Variants in TBCK observed in about 807,000 individuals in gnomAD.
TBCK encodes TBC domain-containing protein kinase-like protein.
TBCK carries 99 observed loss-of-function variants against 113.4 expected under a neutral mutation model. The observed-to-expected ratio is 0.87, with a 90% CI of 0.74 to 1.03. The LOEUF (loss-of-function observed/expected upper bound fraction) is 1.03. Among genes scored for constraint, TBCK ranks in the 50% least tolerant of loss-of-function variants. The probability of loss-of-function intolerance (pLI) is 0.00; values close to 1 mark genes in which losing one functional copy is unlikely to be tolerated. For synonymous variants in TBCK, 369 were observed against 370.8 expected (o/e 1.00, Z 0.05); for missense variants, 1,045 against 1,061.3 (o/e 0.98, Z 0.21).
chr4:106,043,022 A>T lies in TBCK; in HGVS notation c.*3548T>A, dbSNP rs561388321. On this transcript the variant is annotated 3_prime_UTR_variant, in exon 26 of 26. Transcript: ENST00000394708. ...ACTCCCACCCATAAGATCCAAAGCTATGTCTTCTATTCCTATATGTATTCC... is the reference window on the plus strand; with the variant it reads ...ACTCCCACCCATAAGATCCAAAGCTTTGTCTTCTATTCCTATATGTATTCC... 2 of 152,260 alleles carry T rather than the reference A, an allele frequency of 1.3e-5. No individual in the cohort carries two copies. Among genetic ancestry groups the T allele is most frequent in the South Asian group, 4.1e-4 (2 of 4,822 alleles). 9.4% of individuals were successfully genotyped at this position (152,260 alleles called of 1,614,324 possible).
At chr4:106,180,506 G>A (rs1752227550) in intron 22 of TBCK, among the ~76,000 whole-genome samples, 1 of 151,898 alleles carries the variant, frequency 6.6e-6, no homozygotes, top group Non-Finnish European at 1.5e-5. Context: ...ACCTACATTA[G>A]GTATTTCTCC....
chr4:106,069,365 C>T (rs1363145672), intron 25 of TBCK, among the ~76,000 whole-genome samples: 2 of 152,154 alleles, frequency 1.3e-5, no homozygotes, highest in Non-Finnish European at 1.5e-5. Flanking sequence ...CTACATATGG[C>T]TAGCCAGTTT....
chr4:106,176,559 G>A lies in TBCK; in HGVS notation c.2060-5289C>T, dbSNP rs558274597. 1.3e-4 allele frequency among the ~76,000 whole-genome samples: 19 copies of A among 151,932 alleles called. No homozygotes were observed. In the South Asian group the frequency reaches 1.5e-3, roughly 12 times the overall value. The stretch of plus-strand genomic sequence containing the variant: ...GGTAATTCATTGTGTTTTTATGTAC[G>A]TTTTCTTTATTCATTCATTCATTGA... On this transcript the variant is annotated intron_variant, in intron 22 of 25. Coordinates refer to ENST00000394708, the MANE Select transcript of TBCK (RefSeq NM_001163435.3).
intron 23 of TBCK, among the ~76,000 whole-genome samples, chr4:106,151,729 ATC>A (rs1426327767): frequency 6.6e-6 from 1 of 151,966 alleles, no homozygotes; most frequent in Admixed American, 6.6e-5. Flanking sequence ...TGAACATGGA[ATC>A]TCTTTCCTTT....
chr4:106,306,236 ATTT>A (rs60417567), intron 2 of TBCK, among the ~76,000 whole-genome samples: 1 of 97,352 alleles, frequency 1.0e-5, no homozygotes, highest in African/African-American at 3.9e-5. Flanking sequence ...TGCCTGGCTA[ATTT>A]TTTTTTTTTT....
chr4:106,104,201 C>T (rs368388024), intron 24 of TBCK, among the ~76,000 whole-genome samples: 41 of 152,296 alleles, frequency 2.7e-4, no homozygotes, highest in African/African-American at 8.9e-4. Context: ...AGGAAAGAGG[C>T]CGAATCCAGA....
intron 2 of TBCK, chr4:106,297,638 A>T (rs1408281526): frequency 1.3e-5 from 2 of 152,180 alleles, no homozygotes; most frequent in Admixed American, 1.3e-4. Flanking sequence ...AGCTTCATCT[A>T]TATTATTTTA....
At chr4:106,150,638 G>T (rs765248910) in intron 23 of TBCK, among the ~76,000 whole-genome samples, 66 of 152,020 alleles carry the variant, frequency 4.3e-4, no homozygotes, top group Non-Finnish European at 3.4e-4. Flanking sequence ...TATGCTAGGG[G>T]CTAAGATAAG....
intron 19 of TBCK, chr4:106,213,729 T>C: frequency 6.5e-6 from 1 of 154,400 alleles, no homozygotes; most frequent in Non-Finnish European, 1.4e-5. Flanking sequence ...CCCCACGGAG[T>C]CTCCCTGATT....
At chr4:106,179,714 C>T (rs954014178) in intron 22 of TBCK, among the ~76,000 whole-genome samples, 4 of 151,954 alleles carry the variant, frequency 2.6e-5, no homozygotes, top group African/African-American at 9.7e-5. Context: ...GTGTATTCTG[C>T]AGCTGTTGGA....
chr4:106,299,787 A>C (rs1365491990), intron 2 of TBCK, among the ~76,000 whole-genome samples: 2 of 152,214 alleles, frequency 1.3e-5, no homozygotes, highest in Non-Finnish European at 2.9e-5. Context: ...ATAAATCATC[A>C]ATGTAGTAGC....
intron 22 of TBCK, among the ~76,000 whole-genome samples, chr4:106,178,792 CCTCTT>C (rs1751993197): frequency 6.6e-6 from 1 of 151,638 alleles, no homozygotes. Flanking sequence ...AGTATCCTCT[CCTCTT>C]CATTTTTTTT....
chr4:106,249,052 TG>T, intron 7 of TBCK, 70 bp from the exon 8 acceptor site: 1 of 1,128,948 alleles, frequency 8.9e-7, no homozygotes, highest in South Asian at 1.7e-5. Context: ...GAAAATAAAC[TG>T]ATCAAAAATG....
chr4:106,196,594 T>G (rs1754266810), intron 20 of TBCK, among the ~76,000 whole-genome samples: 1 of 152,018 alleles, frequency 6.6e-6, no homozygotes, highest in African/African-American at 2.4e-5. Flanking sequence ...CCCACTCATC[T>G]CCACCATATC....
chr4:106,105,640 A>G (rs1205712545), intron 24 of TBCK, among the ~76,000 whole-genome samples: 1 of 152,226 alleles, frequency 6.6e-6, no homozygotes, highest in African/African-American at 2.4e-5. Context: ...GCTTCAACAC[A>G]AAAAATACCT....
chr4:106,130,423 A>T (rs1486319571), intron 23 of TBCK, among the ~76,000 whole-genome samples: 1 of 152,168 alleles, frequency 6.6e-6, no homozygotes, highest in Non-Finnish European at 1.5e-5. Flanking sequence ...AATAGCACTG[A>T]ACTCATGTAA....
At chr4:106,268,605 A>G (rs1763198560) in intron 3 of TBCK, among the ~76,000 whole-genome samples, 1 of 152,100 alleles carries the variant, frequency 6.6e-6, no homozygotes, top group Non-Finnish European at 1.5e-5. Context: ...GCTATCCACA[A>G]AAAAAATTCA....
At chr4:106,194,119 A>G (rs1753952391) in intron 21 of TBCK, among the ~76,000 whole-genome samples, 1 of 152,046 alleles carries the variant, frequency 6.6e-6, no homozygotes, top group Non-Finnish European at 1.5e-5. Context: ...TATTCTCTAA[A>G]CAACTGTTTT....
At chr4:106,091,650 T>C (rs1052522527) in intron 25 of TBCK, among the ~76,000 whole-genome samples, 1 of 152,078 alleles carries the variant, frequency 6.6e-6, no homozygotes, top group African/African-American at 2.4e-5. Context: ...GTTCGTGGTC[T>C]TGATGGGTTC....
Sources: gnomAD v4.1 joint callset for allele counts (sites outside exome capture counted in the v4.1 genomes callset) on GRCh38, gnomAD v4.1.1 for gene constraint, MANE v1.5 for transcripts, NCBI Gene and HGNC (gene_info 2026-07-23, HGNC 2026-07-21) for gene names.